DBH: variants seen among roughly 807,000 people sequenced by gnomAD.
DBH encodes dopamine beta-hydroxylase (dopamine beta-monooxygenase).
A neutral mutation model predicts 64.0 loss-of-function variants in DBH; 49 were observed. The ratio of observed to expected loss-of-function variants is 0.77; its 90% CI spans 0.61 to 0.97. The LOEUF is 0.97. DBH is among the 50% of genes least tolerant of loss of function. The pLI, the probability that DBH is intolerant of heterozygous loss-of-function variation, is 0.00. For synonymous variants in DBH, 343 were observed against 347.1 expected, an observed-to-expected ratio of 0.99 and a Z score of 0.13; for missense variants, 828 against 826.6, an observed-to-expected ratio of 1.00 and a Z score of -0.02.
chr9:133,641,982 A>G (rs1188353020), intron 2 of DBH, among the ~76,000 whole-genome samples: 2 of 152,196 alleles, frequency 1.3e-5, no homozygotes, highest in African/African-American at 2.4e-5. Context: ...TGTTTAGAAG[A>G]GAAAAGTATT....
At position 133,657,195 on chromosome 9, in the gene DBH, T is replaced by C. The variant is rs201973877; in HGVS notation, c.1688T>C (p.Met563Thr). Residue 563 changes from methionine to threonine, a missense_variant, in exon 11 of 12, where the codon ATG (methionine) becomes ACG (threonine). Met to Thr is a moderately conservative substitution (Grantham distance 81). Transcript: ENST00000393056. ...KALYSFAPIS[M>T]HCNKSSAVRF... ...CTGTACAGCTTCGCGCCCATCTCCA[T>C]GCACTGCAACAAGTCCTCAGCCGTC... 422 of 1,614,108 alleles carry C rather than the reference T, an allele frequency of 2.6e-4. 1 individual carries two copies. The Middle Eastern group carries it at 3.5e-3, about 13-fold the overall frequency.
At chr9:133,653,259 T>C (rs1832273500) in intron 9 of DBH, among the ~76,000 whole-genome samples, 5 of 151,986 alleles carry the variant, frequency 3.3e-5, no homozygotes, top group Admixed American at 3.3e-4. Context: ...TTTAACAAGC[T>C]CCCAGCGGAT....
chr9:133,650,770 A>G (rs1267176336), intron 6 of DBH, among the ~76,000 whole-genome samples: 1 of 146,940 alleles, frequency 6.8e-6, no homozygotes, highest in Non-Finnish European at 1.5e-5. Flanking sequence ...CTATTCTCAA[A>G]CTCCTTACCT....
chr9:133,650,293 G>A lies in DBH; in HGVS notation c.1192-1341G>A, dbSNP rs1031644577. On this transcript the variant is annotated intron_variant, in intron 6 of 11. Transcript: ENST00000393056. ...AGCTCGGCCATCTGGGACCTTCAGG[G>A]ATGGGGCTGTCGGGACCTTGAGCTC... Among the ~76,000 whole-genome samples the A allele has an allele frequency of 7.9e-5, 12 of 152,298 alleles. No individual in the cohort carries two copies. In the South Asian group the frequency reaches 2.5e-3, roughly 32 times the overall value.
At chr9:133,653,353 C>T (rs1403479782) in intron 9 of DBH, among the ~76,000 whole-genome samples, 2 of 152,136 alleles carry the variant, frequency 1.3e-5, no homozygotes, top group African/African-American at 2.4e-5. Flanking sequence ...AGCTGTAGGA[C>T]AAGAGGTTGA....
Position 133,657,118 on chromosome 9 carries a change from G to A in DBH, c.1611G>A (p.Gln537=). 1 of 1,614,056 alleles carries A rather than the reference G, an allele frequency of 6.2e-7. No individual in the cohort carries two copies. Among genetic ancestry groups the A allele is most frequent in the East Asian group, 2.2e-5 (1 of 44,888 alleles). ...VCTCPQASVS[Q]QFTSVPWNSF... ...CCTGCCCTCAGGCGTCCGTGTCTCA[G>A]CAGTTCACCTCTGTTCCCTGGAACT... Residue 537 remains glutamine, a synonymous_variant, in exon 11 of 12, where the codon CAG becomes CAA. Transcript: ENST00000393056.
rs1832137027 is a variant in DBH at position 133,643,137 on chromosome 9, GC to G, written c.745-273del. Among the ~76,000 whole-genome samples the G allele has an allele frequency of 1.3e-5, 2 of 152,134 alleles. No individual in the cohort carries two copies. Among genetic ancestry groups the G allele is most frequent in the African/African-American group, 4.8e-5 (2 of 41,418 alleles). ...CCTCCCACTGGGGCTGCAGGAGCTG[GC>G]CCGGCCACAGCCCCATATGCATGAG... On this transcript the variant is annotated intron_variant, in intron 3 of 11. Coordinates refer to ENST00000393056, the MANE Select transcript of DBH (RefSeq NM_000787.4). The surrounding 1 kb of genome is among the most constrained non-coding windows in gnomAD (Gnocchi z 5.3).
chr9:133,652,364 G>T, intron 8 of DBH, 80 bp downstream of exon 8: 1 of 1,528,556 alleles, frequency 6.5e-7, no homozygotes, highest in South Asian at 1.1e-5. Context: ...CCACCAGAAG[G>T]AGAGGGACAC....
intron 6 of DBH, 151 bp downstream of exon 6, chr9:133,648,163 C>T (rs1445330645): frequency 6.5e-6 from 6 of 917,696 alleles, no homozygotes; most frequent in African/African-American, 1.6e-5. Flanking sequence ...TTTCTGTATG[C>T]AAGGGAACCC....
At chr9:133,641,782 G>C (rs902908457) in intron 2 of DBH, among the ~76,000 whole-genome samples, 4 of 152,204 alleles carry the variant, frequency 2.6e-5, no homozygotes, top group South Asian at 2.1e-4. Flanking sequence ...GCAAGCCCCA[G>C]GGTGTTTCCT....
intron 2 of DBH, among the ~76,000 whole-genome samples, chr9:133,641,784 G>A (rs763019923): frequency 3.9e-5 from 6 of 152,218 alleles, no homozygotes; most frequent in Non-Finnish European, 8.8e-5. Context: ...AAGCCCCAGG[G>A]TGTTTCCTTC....
chr9:133,657,497 GGAGA>G (rs149061808), intron 11 of DBH, among the ~76,000 whole-genome samples: 177 of 143,112 alleles, frequency 1.2e-3, no homozygotes, highest in South Asian at 4.5e-3. Flanking sequence ...GAGAGAGAGA[GGAGA>G]GAGAGAGAGA....
chr9:133,643,540 G>A lies in DBH; in HGVS notation c.872G>A (p.Arg291His), dbSNP rs376916303. ...TGCGACTCCAAGATGAAACCCGACC[G>A]CCTCAACTACTGCCGCCACGTGCTG... Reference protein sequence around the residue: ...GPCDSKMKPDRLNYCRHVLAA... With the variant: ...GPCDSKMKPDHLNYCRHVLAA... The change falls in exon 4 of 12, where the codon CGC becomes CAC. Residue 291 changes from arginine to histidine, a missense_variant. Transcript: ENST00000393056. This position sits in a 1 kb window ranked among gnomAD's most constrained non-coding sequence, Gnocchi z 5.3. 11 of 1,613,348 alleles carry A rather than the reference G, an allele frequency of 6.8e-6. No individual in the cohort carries two copies. The highest frequency in any genetic ancestry group is 3.3e-5 in the Admixed American group (2 of 59,966).
intron 6 of DBH, among the ~76,000 whole-genome samples, chr9:133,649,702 G>A (rs1463060327): frequency 6.6e-6 from 1 of 152,176 alleles, no homozygotes; most frequent in Non-Finnish European, 1.5e-5. Flanking sequence ...TCCCTAAAGC[G>A]CCCACTGGTG....
At chr9:133,642,056 C>A in intron 2 of DBH, 151 bp from the exon 3 acceptor site, 1 of 1,093,300 alleles carries the variant, frequency 9.1e-7, no homozygotes, top group Non-Finnish European at 1.3e-6. Flanking sequence ...CCAGCCAGGG[C>A]CATGCAAGCC....
intron 2 of DBH, among the ~76,000 whole-genome samples, chr9:133,640,413 G>GC (rs5901023): frequency 0.08 from 12,105 of 152,162 alleles, 601 homozygotes; most frequent in African/African-American, 0.14. Context: ...CGGGACAACT[G>GC]CCCCCCTCCT....
chr9:133,657,343 C>T lies in DBH; in HGVS notation c.1722+114C>T. 6 of 1,300,908 alleles carry T rather than the reference C, an allele frequency of 4.6e-6. No individual in the cohort carries two copies. The South Asian group carries it at 7.3e-5, about 16-fold the overall frequency. The allele number at this position is 1,300,908 out of a possible 1,614,324, so 80.6% of individuals were successfully genotyped here. A position where few individuals can be genotyped will look rare whatever the true frequency, so the allele number is the denominator to read the frequency against. ...TGCTGGCAAAAGCACTCGCACAAGA[C>T]AATGAGAGCAAGTGCCAGGTGGTGA... On this transcript the variant is annotated intron_variant, in intron 11 of 11. Coordinates refer to ENST00000393056, the MANE Select transcript of DBH (RefSeq NM_000787.4).
At chr9:133,654,125 T>TTTATTTTAC (rs1832284926) in intron 9 of DBH, among the ~76,000 whole-genome samples, 1 of 70,106 alleles carries the variant, frequency 1.4e-5, no homozygotes, top group Non-Finnish European at 2.7e-5. Context: ...TATATTTTAT[T>TTTATTTTAC]TTTTTTTGAG....
chr9:133,647,787 G>A lies in DBH; in HGVS notation c.1025-59G>A, dbSNP rs1453180721. ...GGGTCATAGGGATAATCTGTCCGCA[G>A]GGGGAAGTGAGAGGGCCTCCACTTA... On this transcript the variant is annotated intron_variant, in intron 5 of 11. Coordinates refer to ENST00000393056, the MANE Select transcript of DBH (RefSeq NM_000787.4). 9 of 1,604,380 alleles carry A rather than the reference G, an allele frequency of 5.6e-6. No individual in the cohort carries two copies. The South Asian group carries it at 8.8e-5, about 16-fold the overall frequency.
Sources: allele counts gnomAD v4.1 joint callset (sites outside exome capture counted in the v4.1 genomes callset), GRCh38; gene constraint gnomAD v4.1.1; non-coding constraint Gnocchi (gnomAD v3.1); transcripts MANE v1.5; gene names NCBI Gene and HGNC (gene_info 2026-07-23, HGNC 2026-07-21).